The following LHPP variants were observed in gnomAD, a reference collection of about 807,000 sequenced individuals.
The protein encoded by LHPP is hLHPP.
A neutral mutation model predicts 30.3 loss-of-function variants in LHPP; 24 were observed. The observed-to-expected ratio is 0.79, with a 90% CI of 0.57 to 1.11. The LOEUF is 1.11. Ranked by LOEUF, LHPP falls within the 50% of genes most tolerant of loss-of-function variation. The probability of loss-of-function intolerance (pLI) is 0.00; values close to 1 mark genes in which losing one functional copy is unlikely to be tolerated. For synonymous variants in LHPP, 150 were observed against 157.1 expected (o/e 0.95, Z 0.34); for missense variants, 356 against 367.2 (o/e 0.97, Z 0.25).
In LHPP at chr10:124,496,430, A is replaced by G. The variant is rs1351531215; in HGVS notation, c.468-531A>G. The stretch of plus-strand genomic sequence containing the variant: ...CGGGAAGGAACAGTTGTCTTCTCAT[A>G]AAAGCATCTGGCGCCCATGAAACCT... On this transcript the variant is annotated intron_variant, in intron 3 of 6. Coordinates refer to ENST00000368842, the MANE Select transcript of LHPP (RefSeq NM_022126.4). This position sits in a 1 kb window ranked among gnomAD's most constrained non-coding sequence, Gnocchi z 4.3. 4.6e-5 allele frequency among the ~76,000 whole-genome samples: 7 copies of G among 152,216 alleles called. No homozygotes were observed. The highest frequency in any genetic ancestry group is 1.0e-4 in the Non-Finnish European group (7 of 68,034).
chr10:124,562,847 A>T lies in LHPP; in HGVS notation c.716+45576A>T, dbSNP rs149338090. Reference sequence around the variant, plus strand: ...CTTGGGAGGTTGAGGTGGGAAGATCACTTGAACTGGGGAGGCAGAGGTTGT... The same window carrying T: ...CTTGGGAGGTTGAGGTGGGAAGATCTCTTGAACTGGGGAGGCAGAGGTTGT... On this transcript the variant is annotated intron_variant, in intron 6 of 6. Transcript: ENST00000368842. Among the ~76,000 whole-genome samples, 12 of 152,038 alleles carry T rather than the reference A, an allele frequency of 7.9e-5. No homozygotes were observed. In the East Asian group the frequency reaches 1.7e-3, roughly 22 times the overall value.
Position 124,548,194 on chromosome 10 carries a change from C to CT in LHPP, c.716+30923_716+30924insT, listed in dbSNP as rs1438724356. On this transcript the variant is annotated intron_variant, in intron 6 of 6. Coordinates refer to ENST00000368842, the MANE Select transcript of LHPP (RefSeq NM_022126.4). ...CTGGGGAGACTGCTTCCCTTGGGGCCCGGCCACTCCAGAGCCATTTCCGTG... is the reference window on the plus strand; with the variant it reads ...CTGGGGAGACTGCTTCCCTTGGGGCCTCGGCCACTCCAGAGCCATTTCCGTG... Among the ~76,000 whole-genome samples, 865 of 120,488 alleles carry CT rather than the reference C, an allele frequency of 7.2e-3. 6 individuals carry two copies. Among genetic ancestry groups the CT allele is most frequent in the African/African-American group, 0.029 (793 of 27,798 alleles). The allele number at this position is 120,488 out of a possible 152,430, so 79.0% of individuals were successfully genotyped here.
intron 5 of LHPP, among the ~76,000 whole-genome samples, chr10:124,501,956 T>C (rs1168311410): frequency 1.3e-5 from 2 of 152,054 alleles, no homozygotes; most frequent in East Asian, 1.9e-4. Context: ...ATTTGAAATA[T>C]CTATGTCAGT....
At chr10:124,586,292 G>A (rs1317679970) in intron 6 of LHPP, among the ~76,000 whole-genome samples, 3 of 152,200 alleles carry the variant, frequency 2.0e-5, no homozygotes, top group Non-Finnish European at 4.4e-5. Context: ...GTGGGGAGAA[G>A]GAGGGGTGAA....
chr10:124,471,709 TTG>T (rs1952778272), intron 1 of LHPP, among the ~76,000 whole-genome samples: 1 of 18,180 alleles, frequency 5.5e-5, no homozygotes. Context: ...TTATATATAT[TTG>T]TATATATATT....
chr10:124,578,437 C>T (rs889502083), intron 6 of LHPP, among the ~76,000 whole-genome samples: 1 of 152,164 alleles, frequency 6.6e-6, no homozygotes. Context: ...CTCATTCATC[C>T]ATTCATTTAT....
chr10:124,601,522 C>T (rs959663275), intron 6 of LHPP, among the ~76,000 whole-genome samples: 6 of 152,226 alleles, frequency 3.9e-5, no homozygotes, highest in Non-Finnish European at 5.9e-5. Flanking sequence ...AGACCACCAA[C>T]CCGCTGGTGG....
rs1016762183 is a variant in LHPP at position 124,523,452 on chromosome 10, C to A, written c.716+6181C>A. Among the ~76,000 whole-genome samples the A allele has an allele frequency of 2.0e-5, 3 of 152,216 alleles. No homozygotes were observed. Among genetic ancestry groups the A allele is most frequent in the African/African-American group, 7.2e-5 (3 of 41,454 alleles). Reference sequence around the variant, plus strand: ...GGCCTTTGACCTTGGAAGCGGCTGCCGTCAAAGCAGCAGCTTGTCCTGGGT... The same window carrying A: ...GGCCTTTGACCTTGGAAGCGGCTGCAGTCAAAGCAGCAGCTTGTCCTGGGT... On this transcript the variant is annotated intron_variant, in intron 6 of 6. Coordinates refer to ENST00000368842, the MANE Select transcript of LHPP (RefSeq NM_022126.4). The surrounding 1 kb of genome is among the most constrained non-coding windows in gnomAD (Gnocchi z 4.2).
At chr10:124,581,464 G>A (rs1292022228) in intron 6 of LHPP, among the ~76,000 whole-genome samples, 1 of 152,180 alleles carries the variant, frequency 6.6e-6, no homozygotes, top group East Asian at 1.9e-4. Context: ...TTAATCACTT[G>A]AGGAATTGCC....
At chr10:124,495,940 G>A (rs1404449557) in intron 3 of LHPP, among the ~76,000 whole-genome samples, 1 of 152,198 alleles carries the variant, frequency 6.6e-6, no homozygotes, top group Non-Finnish European at 1.5e-5. Context: ...GCAACCCAAA[G>A]TCACACCGTT....
rs1258547077 is a variant in LHPP, at chr10:124,541,601, T to C, written c.716+24330T>C. On this transcript the variant is annotated intron_variant, in intron 6 of 6. Coordinates refer to ENST00000368842, the MANE Select transcript of LHPP (RefSeq NM_022126.4). This position sits in a 1 kb window ranked among gnomAD's most constrained non-coding sequence, Gnocchi z 4.2. ...TGTCTGCAGGACCCCCGCGTGAGCC[T>C]GGGACCACCCGTGGGGACAGTGTGT... Among the ~76,000 whole-genome samples, 1 of 152,074 alleles carries C rather than the reference T, an allele frequency of 6.6e-6. No individual in the cohort carries two copies. The highest frequency in any genetic ancestry group is 2.4e-5 in the African/African-American group (1 of 41,410).
rs1954487003 is a variant in LHPP, at chr10:124,517,332, C to T, written c.716+61C>T. The T allele has an allele frequency of 2.8e-6, 3 of 1,080,650 alleles. No individual in the cohort carries two copies. The highest frequency in any genetic ancestry group is 4.0e-6 in the Non-Finnish European group (3 of 759,484). The allele number at this position is 1,080,650 out of a possible 1,614,324, so 66.9% of individuals were successfully genotyped here. On this transcript the variant is annotated intron_variant, in intron 6 of 6. Transcript: ENST00000368842. The surrounding 1 kb of genome is among the most constrained non-coding windows in gnomAD (Gnocchi z 4.1). Reference sequence around the variant, plus strand: ...TCCAGGGGATGACCACATTCTCATTCTGTTTTGTTCTTCAAAATAAAGGGG... The same window carrying T: ...TCCAGGGGATGACCACATTCTCATTTTGTTTTGTTCTTCAAAATAAAGGGG...
At chr10:124,540,324 G>A (rs535951107) in intron 6 of LHPP, among the ~76,000 whole-genome samples, 2 of 152,350 alleles carry the variant, frequency 1.3e-5, no homozygotes, top group African/African-American at 4.8e-5. Context: ...GTTCCCACCA[G>A]GGGGCGGCAG....
intron 6 of LHPP, among the ~76,000 whole-genome samples, chr10:124,573,574 G>T (rs567368901): frequency 5.1e-4 from 77 of 152,354 alleles, no homozygotes; most frequent in African/African-American, 1.8e-3. Context: ...GCCTCCCAAA[G>T]TGCTGGGATT....
intron 5 of LHPP, among the ~76,000 whole-genome samples, chr10:124,500,681 T>A (rs957788020): frequency 6.6e-6 from 1 of 151,022 alleles, no homozygotes. Flanking sequence ...GAAATGCAGA[T>A]CAAAACTCCA....
At chr10:124,481,295 G>A (rs1953120271) in intron 1 of LHPP, among the ~76,000 whole-genome samples, 2 of 151,434 alleles carry the variant, frequency 1.3e-5, no homozygotes, top group South Asian at 4.2e-4. Context: ...CCTTTTTGTA[G>A]TAGCTGTCAC....
intron 6 of LHPP, among the ~76,000 whole-genome samples, chr10:124,601,893 C>G (rs1328688204): frequency 6.6e-6 from 1 of 152,226 alleles, no homozygotes; most frequent in Non-Finnish European, 1.5e-5. Flanking sequence ...ACGTGGAGCA[C>G]CAGCCATGGG....
At chr10:124,602,666 G>A (rs1294136783) in intron 6 of LHPP, among the ~76,000 whole-genome samples, 1 of 152,158 alleles carries the variant, frequency 6.6e-6, no homozygotes, top group African/African-American at 2.4e-5. Flanking sequence ...GCCGGGGCAG[G>A]CTCTGGGCCC....
At chr10:124,512,603 CG>C (rs1564801959) in intron 5 of LHPP, among the ~76,000 whole-genome samples, 1 of 107,802 alleles carries the variant, frequency 9.3e-6, no homozygotes, top group Non-Finnish European at 1.7e-5. Flanking sequence ...GGTGACAGAG[CG>C]GGACTCCGTC....
Sources: allele counts gnomAD v4.1 joint callset (sites outside exome capture counted in the v4.1 genomes callset), GRCh38; gene constraint gnomAD v4.1.1; non-coding constraint Gnocchi (gnomAD v3.1); transcripts MANE v1.5; gene names NCBI Gene and HGNC (gene_info 2026-07-23, HGNC 2026-07-21).